The following SLC4A4 variants were observed in gnomAD, a reference collection of about 807,000 sequenced individuals.
The protein encoded by SLC4A4 is electrogenic sodium bicarbonate cotransporter 1.
A neutral mutation model predicts 111.5 loss-of-function variants in SLC4A4; 27 were observed. The ratio of observed to expected loss-of-function variants is 0.24; its 90% confidence interval spans 0.18 to 0.33. The LOEUF is 0.33. Among genes scored for constraint, SLC4A4 ranks in the 10% least tolerant of loss-of-function variants. The pLI is 1.00. For synonymous variants in SLC4A4, 443 were observed against 463.4 expected (o/e 0.96, Z 0.57); for missense variants, 909 against 1,315.5 (o/e 0.69, Z 4.78).
At chr4:71,412,841 C>T (rs1347933573) in intron 7 of SLC4A4, among the ~76,000 whole-genome samples, 2 of 152,120 alleles carry the variant, frequency 1.3e-5, no homozygotes, top group East Asian at 1.9e-4. Context: ...GGAATGTGTT[C>T]ACTGGGTGGG....
chr4:71,230,097 A>G (rs1044767083), intron 1 of SLC4A4, among the ~76,000 whole-genome samples: 2 of 152,132 alleles, frequency 1.3e-5, no homozygotes, highest in African/African-American at 4.8e-5. Flanking sequence ...ACGTTTGCAA[A>G]TGGTTTATAA....
chr4:71,385,354 C>T (rs561935442), intron 6 of SLC4A4, among the ~76,000 whole-genome samples: 106 of 150,932 alleles, frequency 7.0e-4, no homozygotes, highest in African/African-American at 2.6e-3. Context: ...ATGCACCATC[C>T]GACCCGGCTA....
In SLC4A4 at chr4:71,280,752, T is replaced by G. The variant is rs951722453; in HGVS notation, c.253+25353T>G. 3.9e-5 allele frequency among the ~76,000 whole-genome samples: 6 copies of G among 152,306 alleles called. No homozygotes were observed. In the East Asian group the frequency reaches 9.6e-4, roughly 24 times the overall value. On this transcript the variant is annotated intron_variant, in intron 3 of 25. Transcript: ENST00000264485. The stretch of plus-strand genomic sequence containing the variant: ...AAAACCCTTTACTAAGACCTAGTCC[T>G]GAAGATTTTTTTCTCTGTTATCTTT...
intron 1 of SLC4A4, among the ~76,000 whole-genome samples, chr4:71,233,710 A>G (rs1280872118): frequency 6.6e-6 from 1 of 152,102 alleles, no homozygotes; most frequent in Non-Finnish European, 1.5e-5. Context: ...TCTTATTCTT[A>G]AAGTGGCTAA....
chr4:71,139,486 A>G (rs1024494037), intron 2 of SLC4A4, among the ~76,000 whole-genome samples: 1 of 152,184 alleles, frequency 6.6e-6, no homozygotes, highest in Non-Finnish European at 1.5e-5. Flanking sequence ...CCTAGAAAGT[A>G]AGATGCTCAT....
intron 15 of SLC4A4, among the ~76,000 whole-genome samples, chr4:71,492,266 C>T (rs950047358): frequency 6.6e-6 from 1 of 151,846 alleles, no homozygotes; most frequent in African/African-American, 2.4e-5. Flanking sequence ...TGGCTTTGAA[C>T]ATTTTGTCCA....
chr4:71,146,606 G>A (rs1266505829), intron 2 of SLC4A4, among the ~76,000 whole-genome samples: 14 of 152,204 alleles, frequency 9.2e-5, no homozygotes, highest in African/African-American at 3.1e-4. Flanking sequence ...GGTCACTAAG[G>A]ACTTGCTTTA....
chr4:71,263,846 G>A (rs1265630656), intron 3 of SLC4A4, among the ~76,000 whole-genome samples: 1 of 152,028 alleles, frequency 6.6e-6, no homozygotes, highest in Non-Finnish European at 1.5e-5. Flanking sequence ...TAAAATGCCT[G>A]AAAACATGAA....
rs761675338 is a variant in SLC4A4 at position 71,472,838 on chromosome 4, C to T, written c.1771C>T (p.Leu591=). ...TRFTEEGFSS[L]ISFIFIYDAF... ...TTTCACGGAGGAGGGCTTTTCCTCTCTGATTAGCTTCATCTTTATCTATGA... is the reference window on the plus strand; with the variant it reads ...TTTCACGGAGGAGGGCTTTTCCTCTTTGATTAGCTTCATCTTTATCTATGA... Residue 591 remains leucine (L), a synonymous_variant, in exon 14 of 26, where the codon CTG becomes TTG. Coordinates refer to ENST00000264485, the MANE Select transcript of SLC4A4 (RefSeq NM_001098484.3). The T allele has an allele frequency of 1.2e-6, 2 of 1,612,982 alleles. No individual in the cohort carries two copies. Among genetic ancestry groups the T allele is most frequent in the Non-Finnish European group, 1.7e-6 (2 of 1,179,410 alleles).
At chr4:71,124,785 G>C (rs532482273) in intron 2 of SLC4A4, among the ~76,000 whole-genome samples, 1 of 152,040 alleles carries the variant, frequency 6.6e-6, no homozygotes, top group Non-Finnish European at 1.5e-5. Context: ...TCTCCAAAGC[G>C]AGGGGTGTGG....
In SLC4A4 at chr4:71,431,090, A is replaced by T. The variant is rs188624224; in HGVS notation, c.808-9526A>T. On this transcript the variant is annotated intron_variant, in intron 7 of 25. Coordinates refer to ENST00000264485, the MANE Select transcript of SLC4A4 (RefSeq NM_001098484.3). ...AACGTTTTTCCTCAGCCCCTCAGGC[A>T]CTTTTCTAGACATTAGGGACCTAAC... is the stretch of plus-strand genomic sequence containing the variant. Among the ~76,000 whole-genome samples, 3 of 152,266 alleles carry T rather than the reference A, an allele frequency of 2.0e-5. No individual in the cohort carries two copies. The East Asian group carries it at 5.8e-4, about 29-fold the overall frequency.
intron 6 of SLC4A4, among the ~76,000 whole-genome samples, 180 bp downstream of exon 6, chr4:71,357,367 A>G (rs576541738): frequency 1.3e-5 from 2 of 152,280 alleles, no homozygotes; most frequent in South Asian, 4.2e-4. Flanking sequence ...TCTTGCTGGA[A>G]AGATTTCCAC....
intron 6 of SLC4A4, among the ~76,000 whole-genome samples, chr4:71,359,243 G>T (rs2148915563): frequency 6.6e-6 from 1 of 152,304 alleles, no homozygotes; most frequent in Middle Eastern, 3.4e-3. Flanking sequence ...AATTGCCTTT[G>T]CCATCCATCT....
intron 6 of SLC4A4, among the ~76,000 whole-genome samples, chr4:71,376,162 C>T (rs1052466070): frequency 2.8e-5 from 4 of 144,842 alleles, no homozygotes; most frequent in African/African-American, 1.1e-4. Context: ...TATATACACA[C>T]ACACACACAC....
At chr4:71,249,265 T>A (rs1178045552) in intron 2 of SLC4A4, among the ~76,000 whole-genome samples, 2 of 152,150 alleles carry the variant, frequency 1.3e-5, no homozygotes, top group Admixed American at 6.5e-5. Context: ...AAATTACTTA[T>A]CAGTATTCAA....
rs529765908 is a variant in SLC4A4, at chr4:71,509,235, A to G, written c.2166+11543A>G. On this transcript the variant is annotated intron_variant, in intron 16 of 25. Transcript: ENST00000264485. Reference sequence around the variant, plus strand: ...TCTCACCATTCTTATTCAACATAGTATTGGAAGTTCTGGCCAGGGCAATCA... The same window carrying G: ...TCTCACCATTCTTATTCAACATAGTGTTGGAAGTTCTGGCCAGGGCAATCA... Among the ~76,000 whole-genome samples, 22 of 152,294 alleles carry G rather than the reference A, an allele frequency of 1.4e-4. 2 individuals carry two copies. The highest frequency in any genetic ancestry group is 4.8e-4 in the African/African-American group (20 of 41,576).
chr4:71,156,924 A>G (rs1290558038), intron 2 of SLC4A4, among the ~76,000 whole-genome samples: 1 of 152,158 alleles, frequency 6.6e-6, no homozygotes, highest in Non-Finnish European at 1.5e-5. Context: ...AAAGTGATTT[A>G]CGATCATTTT....
Position 71,467,438 on chromosome 4 carries a change from T to C in SLC4A4, c.1631+861T>C, listed in dbSNP as rs74630474. On this transcript the variant is annotated intron_variant, in intron 13 of 25. Transcript: ENST00000264485. ...GTACCAAGTATTATCCTAGGCACTT[T>C]ACATGTACTAACTCATTTAATTCTT... Among the ~76,000 whole-genome samples the C allele has an allele frequency of 5.3e-5, 8 of 152,238 alleles. No homozygotes were observed. The East Asian group carries it at 1.6e-3, about 30-fold the overall frequency.
intron 3 of SLC4A4, chr4:71,301,278 TC>T: frequency 4.0e-6 from 1 of 250,566 alleles, no homozygotes; most frequent in South Asian, 4.6e-5. Flanking sequence ...TGGAGCCACC[TC>T]CCAGTAGGGA....
Sources: gnomAD v4.1 joint callset for allele counts (sites outside exome capture counted in the v4.1 genomes callset) on GRCh38, gnomAD v4.1.1 for gene constraint, MANE v1.5 for transcripts, NCBI Gene and HGNC (gene_info 2026-07-23, HGNC 2026-07-21) for gene names.